Variants in HSD17B12 observed in about 807,000 individuals in gnomAD.
HSD17B12 encodes hydroxysteroid 17-beta dehydrogenase 12.
In HSD17B12, 32 loss-of-function variants were observed where a neutral mutation model predicts 39.3. The observed-to-expected ratio is 0.81, with a 90% CI of 0.61 to 1.09. HSD17B12 has a LOEUF of 1.09. Among genes scored for constraint, HSD17B12 ranks in the 50% least tolerant of loss-of-function variants. The pLI, the probability that HSD17B12 is intolerant of heterozygous loss-of-function variation, is 0.00. For synonymous variants in HSD17B12, 150 were observed against 146.7 expected, an observed-to-expected ratio of 1.02 and a Z score of -0.16; for missense variants, 342 against 382.9, an observed-to-expected ratio of 0.89 and a Z score of 0.89.
chr11:43,588,543 A>C, the HSD17B12 span, among the ~76,000 whole-genome samples: 1 of 151,954 alleles, frequency 6.6e-6, no homozygotes, highest in Non-Finnish European at 1.5e-5. Context: ...GTGAGGATTA[A>C]ATGAGATTAT....
the HSD17B12 span, among the ~76,000 whole-genome samples, chr11:43,615,484 A>G: frequency 6.6e-6 from 1 of 152,168 alleles, no homozygotes; most frequent in Non-Finnish European, 1.5e-5. Context: ...TGCCCAATAC[A>G]CAAATTCCAG....
At chr11:43,811,839 C>T (rs1006049840) in intron 4 of HSD17B12, among the ~76,000 whole-genome samples, 2 of 151,924 alleles carry the variant, frequency 1.3e-5, no homozygotes, top group African/African-American at 4.8e-5. Flanking sequence ...CTATATGTAC[C>T]CACTAACCAT....
chr11:43,737,132 C>G (rs995057883), intron 1 of HSD17B12, among the ~76,000 whole-genome samples: 1 of 152,180 alleles, frequency 6.6e-6, no homozygotes, highest in Non-Finnish European at 1.5e-5. Flanking sequence ...AAGAAGGAAC[C>G]TGTTTGGAAT....
intron 3 of HSD17B12, among the ~76,000 whole-genome samples, chr11:43,794,644 A>G (rs1426766893): frequency 6.6e-6 from 1 of 152,212 alleles, no homozygotes; most frequent in Non-Finnish European, 1.5e-5. Flanking sequence ...TTGGATGAGG[A>G]TGCTACGGAA....
At chr11:43,605,652 T>C in the HSD17B12 span, among the ~76,000 whole-genome samples, 2 of 152,084 alleles carry the variant, frequency 1.3e-5, no homozygotes, top group African/African-American at 2.4e-5. Flanking sequence ...AACCTCTTTG[T>C]CTCTGTTTTG....
chr11:43,598,090 C>T, the HSD17B12 span, among the ~76,000 whole-genome samples: 1 of 152,120 alleles, frequency 6.6e-6, no homozygotes, highest in East Asian at 1.9e-4. Context: ...TGGTCAGTGC[C>T]CTCCAAAATG....
chr11:43,615,805 A>G, the HSD17B12 span, among the ~76,000 whole-genome samples: 1 of 152,230 alleles, frequency 6.6e-6, no homozygotes, highest in East Asian at 1.9e-4. Flanking sequence ...TTTATTTTCA[A>G]TAGTTCATAC....
chr11:43,633,458 G>T, the HSD17B12 span, among the ~76,000 whole-genome samples: 2 of 152,148 alleles, frequency 1.3e-5, no homozygotes, highest in African/African-American at 4.8e-5. Context: ...TTTGAACCCA[G>T]GAGGCAGAGG....
At chr11:43,616,237 G>A in the HSD17B12 span, among the ~76,000 whole-genome samples, 11 of 151,602 alleles carry the variant, frequency 7.3e-5, no homozygotes, top group Non-Finnish European at 1.0e-4. Flanking sequence ...GTGAAACCCC[G>A]TCTCTACTAA....
chr11:43,657,953 A>G, the HSD17B12 span, among the ~76,000 whole-genome samples: 7 of 152,298 alleles, frequency 4.6e-5, no homozygotes, highest in South Asian at 2.1e-4. Context: ...GCCTTGCCAG[A>G]TTGGGGAAGT....
intron 4 of HSD17B12, among the ~76,000 whole-genome samples, chr11:43,804,981 G>T (rs1192097127): frequency 6.6e-6 from 1 of 152,160 alleles, no homozygotes. Context: ...CCCCAGAGAA[G>T]CAAAGGAAGA....
intron 1 of HSD17B12, among the ~76,000 whole-genome samples, chr11:43,716,508 C>T (rs868266168): frequency 1.3e-5 from 2 of 151,832 alleles, no homozygotes; most frequent in Non-Finnish European, 2.9e-5. Flanking sequence ...CCCATTCTAC[C>T]GACAAGAGAA....
intron 3 of HSD17B12, among the ~76,000 whole-genome samples, chr11:43,774,009 G>A (rs528136540): frequency 1.1e-4 from 16 of 152,216 alleles, no homozygotes; most frequent in African/African-American, 3.9e-4. Context: ...GTAGATCCTA[G>A]GTCACATATG....
chr11:43,793,974 A>T (rs1950893051), intron 3 of HSD17B12, among the ~76,000 whole-genome samples: 2 of 152,250 alleles, frequency 1.3e-5, no homozygotes, highest in Admixed American at 1.3e-4. Flanking sequence ...GCTTAGCTTC[A>T]TTCTCCACTT....
the HSD17B12 span, among the ~76,000 whole-genome samples, chr11:43,652,088 C>G: frequency 0.17 from 26,174 of 152,050 alleles, 2,672 homozygotes; most frequent in Middle Eastern, 0.27. Context: ...TCAAAGCAAT[C>G]CCAATCAAAA....
intron 1 of HSD17B12, chr11:43,734,206 C>T (rs1950295537): frequency 1.9e-6 from 3 of 1,569,944 alleles, no homozygotes; most frequent in Admixed American, 1.8e-5. Flanking sequence ...AGGTGAGCGA[C>T]GACCTTACGG....
chr11:43,854,916 T>C (rs761800219), intron 10 of HSD17B12, 52 bp downstream of exon 10: 8 of 1,583,208 alleles, frequency 5.1e-6, no homozygotes, highest in Non-Finnish European at 6.9e-6. Context: ...TGGGGTTTCT[T>C]TCCCATTGAG....
intron 7 of HSD17B12, chr11:43,834,109 G>A (rs1951342906): frequency 1.3e-5 from 2 of 152,100 alleles, no homozygotes; most frequent in South Asian, 4.1e-4. Flanking sequence ...CTTCCACAAA[G>A]CAATATTTGT....
chr11:43,586,814 A>ACC, the HSD17B12 span, among the ~76,000 whole-genome samples: 3 of 152,242 alleles, frequency 2.0e-5, no homozygotes, highest in Admixed American at 2.0e-4. Context: ...AATAGTAGTC[A>ACC]TGCTGTGCAT....
Sources: gnomAD v4.1 joint callset for allele counts (sites outside exome capture counted in the v4.1 genomes callset) on GRCh38, gnomAD v4.1.1 for gene constraint, MANE v1.5 for transcripts, NCBI Gene and HGNC (gene_info 2026-07-23, HGNC 2026-07-21) for gene names.